The following KALRN variants were observed in gnomAD, a reference collection of about 807,000 sequenced individuals.
The protein encoded by KALRN is kalirin.
KALRN carries 70 observed loss-of-function variants against 353.7 expected under a neutral mutation model. The observed-to-expected ratio is 0.20, with a 90% confidence interval of 0.16 to 0.24. The LOEUF (loss-of-function observed/expected upper bound fraction) is 0.24. Ranked by LOEUF, KALRN falls within the 10% of genes least tolerant of loss-of-function variation. KALRN has a pLI of 1.00. For synonymous variants in KALRN, 1,391 were observed against 1,434.8 expected (o/e 0.97, Z 0.69); for missense variants, 2,791 against 3,756.7 (o/e 0.74, Z 6.72).
rs528892267 is a variant in KALRN, at chr3:124,071,750, C to G, written c.73+37937C>G. Among the ~76,000 whole-genome samples, 5 of 152,254 alleles carry G rather than the reference C, an allele frequency of 3.3e-5. No individual in the cohort carries two copies. The South Asian group carries it at 1.0e-3, about 32-fold the overall frequency. On this transcript the variant is annotated intron_variant, in intron 1 of 59. Coordinates refer to ENST00000682506, the MANE Select transcript of KALRN (RefSeq NM_001388419.1). ...TCTTGAAGACCCCACCTCTTAATAC[C>G]ATCACATTGGCCATTAAGTTTCAAC... is the stretch of plus-strand genomic sequence containing the variant.
At chr3:124,336,303 C>T (rs1286483728) in intron 9 of KALRN, among the ~76,000 whole-genome samples, 1 of 152,144 alleles carries the variant, frequency 6.6e-6, no homozygotes, top group East Asian at 1.9e-4. Flanking sequence ...TTGCCTACTC[C>T]TGCCATCTGG....
chr3:124,057,224 A>G (rs1256961220), intron 1 of KALRN, among the ~76,000 whole-genome samples: 2 of 152,156 alleles, frequency 1.3e-5, no homozygotes, highest in Non-Finnish European at 2.9e-5. Context: ...GCCTCCCACC[A>G]TACCGCCCCC....
chr3:124,514,330 C>T (rs1383643588), intron 33 of KALRN, among the ~76,000 whole-genome samples: 2 of 152,078 alleles, frequency 1.3e-5, no homozygotes, highest in African/African-American at 4.8e-5. Context: ...ACAGGCTTTT[C>T]CCTAAAAGTC....
At chr3:124,302,903 G>T (rs2077379175) in intron 6 of KALRN, among the ~76,000 whole-genome samples, 1 of 152,146 alleles carries the variant, frequency 6.6e-6, no homozygotes, top group Non-Finnish European at 1.5e-5. Flanking sequence ...ACTCAGACTG[G>T]ATTAGATCCC....
chr3:124,337,786 G>A lies in KALRN; in HGVS notation c.1647+3291G>A, dbSNP rs58607869. On this transcript the variant is annotated intron_variant, in intron 9 of 59. Coordinates refer to ENST00000682506, the MANE Select transcript of KALRN (RefSeq NM_001388419.1). ...TCCATCTGGTCCTGGACGTTTTTTT[G>A]TTGGTAGACTATTAATTACTGCCTC... 2.3e-3 allele frequency among the ~76,000 whole-genome samples: 350 copies of A among 152,056 alleles called. 1 individual carries two copies. Among genetic ancestry groups the A allele is most frequent in the African/African-American group, 8.1e-3 (338 of 41,498 alleles).
At chr3:124,578,960 G>A (rs1314456117) in intron 34 of KALRN, among the ~76,000 whole-genome samples, 2 of 152,102 alleles carry the variant, frequency 1.3e-5, no homozygotes, top group Non-Finnish European at 2.9e-5. Context: ...CAGTAAGAAG[G>A]GTCTCCTATG....
At chr3:124,209,797 A>T (rs1267894053) in intron 1 of KALRN, among the ~76,000 whole-genome samples, 1 of 152,280 alleles carries the variant, frequency 6.6e-6, no homozygotes, top group Non-Finnish European at 1.5e-5. Flanking sequence ...CACCTTGGGC[A>T]AATCACATCA....
At chr3:124,039,226 G>A (rs960654508) in intron 1 of KALRN, among the ~76,000 whole-genome samples, 14 of 152,094 alleles carry the variant, frequency 9.2e-5, no homozygotes, top group African/African-American at 2.7e-4. Flanking sequence ...CAACCACCCC[G>A]GCACCCTCCA....
intron 1 of KALRN, among the ~76,000 whole-genome samples, chr3:124,154,986 T>A (rs1198082188): frequency 1.3e-5 from 2 of 152,102 alleles, no homozygotes; most frequent in Non-Finnish European, 2.9e-5. Context: ...TTTGACAAAC[T>A]TGAGAAAAAC....
chr3:124,492,724 C>A lies in KALRN; in HGVS notation c.4690-16C>A. The A allele has an allele frequency of 6.2e-7, 1 of 1,612,854 alleles. No individual in the cohort carries two copies. Among genetic ancestry groups the A allele is most frequent in the South Asian group, 1.1e-5 (1 of 90,952 alleles). Reference sequence around the variant, plus strand: ...GGGAGTTGGGGTTCTCAGTCTTTCTCCCTGTGGCACTCTAGGCCTCCAACA... The same window carrying A: ...GGGAGTTGGGGTTCTCAGTCTTTCTACCTGTGGCACTCTAGGCCTCCAACA... On this transcript the variant is annotated splice_polypyrimidine_tract_variant and intron_variant, in intron 31 of 59. Transcript: ENST00000682506.
intron 57 of KALRN, among the ~76,000 whole-genome samples, chr3:124,711,327 A>G (rs1227338386): frequency 1.3e-5 from 2 of 152,194 alleles, no homozygotes; most frequent in Admixed American, 1.3e-4. Context: ...TGGCCTTATT[A>G]GCACATTATT....
At chr3:124,496,012 T>TATATATATATATATATATACAC (rs1345047394) in intron 32 of KALRN, among the ~76,000 whole-genome samples, 1 of 43,694 alleles carries the variant, frequency 2.3e-5, no homozygotes, top group Non-Finnish European at 3.8e-5. Context: ...TATATATATA[T>TATATATATATATATATATACAC]ACACACACAT....
chr3:124,491,495 C>G, intron 31 of KALRN, 71 bp downstream of exon 31: 1 of 1,192,676 alleles, frequency 8.4e-7, no homozygotes, highest in Non-Finnish European at 1.2e-6. Flanking sequence ...CAAGTGACAC[C>G]TCAAAGCTAA....
intron 1 of KALRN, among the ~76,000 whole-genome samples, chr3:124,051,380 C>T (rs2041029472): frequency 2.0e-5 from 3 of 152,152 alleles, no homozygotes; most frequent in Admixed American, 6.5e-5. Flanking sequence ...CCTTACTTTG[C>T]TAGGATCTGC....
chr3:124,575,023 G>T (rs138208068), intron 34 of KALRN, among the ~76,000 whole-genome samples: 1 of 152,330 alleles, frequency 6.6e-6, no homozygotes, highest in East Asian at 1.9e-4. Flanking sequence ...GGGTGAAACT[G>T]CAGCCTTAAC....
At chr3:124,169,642 G>A (rs1433982426) in intron 1 of KALRN, among the ~76,000 whole-genome samples, 6 of 152,122 alleles carry the variant, frequency 3.9e-5, no homozygotes, top group Non-Finnish European at 7.4e-5. Context: ...CCAATCAATG[G>A]CATTGATTGG....
chr3:124,119,276 A>G (rs1217067792), intron 1 of KALRN, among the ~76,000 whole-genome samples: 3 of 152,192 alleles, frequency 2.0e-5, no homozygotes, highest in African/African-American at 7.2e-5. Context: ...AAAAACTCCC[A>G]CTTCAGAGAA....
chr3:124,322,687 C>A (rs2079463384), intron 6 of KALRN, among the ~76,000 whole-genome samples: 1 of 152,206 alleles, frequency 6.6e-6, no homozygotes. Context: ...GTCGTTTATG[C>A]TTAATGAGTA....
At chr3:124,259,746 G>T (rs2072572976) in intron 3 of KALRN, among the ~76,000 whole-genome samples, 1 of 152,182 alleles carries the variant, frequency 6.6e-6, no homozygotes, top group South Asian at 2.1e-4. Context: ...AGTGAGGGAA[G>T]ATGGACAGTA....
Sources: gnomAD v4.1 joint callset for allele counts (sites outside exome capture counted in the v4.1 genomes callset) on GRCh38, gnomAD v4.1.1 for gene constraint, MANE v1.5 for transcripts, NCBI Gene and HGNC (gene_info 2026-07-23, HGNC 2026-07-21) for gene names.